ALKBH3: variants seen among roughly 807,000 people sequenced by gnomAD.
ALKBH3 encodes the protein alkB homolog 3, alpha-ketoglutarate dependent dioxygenase.
ALKBH3 carries 51 observed loss-of-function variants against 43.9 expected under a neutral mutation model. The ratio of observed to expected loss-of-function variants is 1.16; its 90% CI spans 0.93 to 1.47. The LOEUF is 1.47. Among genes scored for constraint, ALKBH3 ranks in the 40% most tolerant of loss-of-function variants. ALKBH3 has a pLI of 0.00. For synonymous variants in ALKBH3, 102 were observed against 115.2 expected (o/e 0.89, Z 0.73); for missense variants, 361 against 351.9 (o/e 1.03, Z -0.21).
chr11:43,890,895 C>T (rs1191114308), intron 6 of ALKBH3, among the ~76,000 whole-genome samples: 2 of 152,120 alleles, frequency 1.3e-5, no homozygotes, highest in Non-Finnish European at 2.9e-5. Context: ...ATAGTATGTG[C>T]ATATAACCTA....
chr11:43,897,482 G>A (rs1012585248), intron 7 of ALKBH3: 4 of 747,520 alleles, frequency 5.4e-6, no homozygotes, highest in South Asian at 1.4e-5. Flanking sequence ...AGTCACCAGT[G>A]AGGGTATACA....
chr11:43,903,209 G>A (rs1951874713), intron 8 of ALKBH3, among the ~76,000 whole-genome samples: 1 of 152,160 alleles, frequency 6.6e-6, no homozygotes, highest in African/African-American at 2.4e-5. Context: ...TAAGCCTTCA[G>A]TTACATTGGC....
At chr11:43,905,427 GGTTTTTT>G (rs1212056529) in intron 8 of ALKBH3, among the ~76,000 whole-genome samples, 4 of 151,210 alleles carry the variant, frequency 2.6e-5, no homozygotes, top group South Asian at 2.1e-4. Flanking sequence ...CCAAGGTGCC[GGTTTTTT>G]GTTTTTTGTT....
chr11:43,918,942 G>A, intron 8 of ALKBH3, 96 bp from the exon 9 acceptor site: 1 of 932,060 alleles, frequency 1.1e-6, no homozygotes, highest in Non-Finnish European at 1.7e-6. Flanking sequence ...CAGTCTGGCT[G>A]AGCAGAGGTT....
rs148629654 is a variant in ALKBH3, at chr11:43,891,912, T to C, written c.371-129T>C. ...CATATCTTCTGTGAAGGTGGAACTT[T>C]GGGTCACAGCCCATTCTTACTTTTC... On this transcript the variant is annotated intron_variant, in intron 6 of 9. Coordinates refer to ENST00000302708, the MANE Select transcript of ALKBH3 (RefSeq NM_139178.4). The C allele has an allele frequency of 3.0e-4, 200 of 676,974 alleles. No individual in the cohort carries two copies. In the African/African-American group the frequency reaches 3.2e-3, roughly 11 times the overall value. 41.9% of individuals were successfully genotyped at this position (676,974 alleles called of 1,614,324 possible).
intron 4 of ALKBH3, among the ~76,000 whole-genome samples, chr11:43,885,220 C>G (rs1951738970): frequency 6.6e-6 from 1 of 152,198 alleles, no homozygotes; most frequent in African/African-American, 2.4e-5. Context: ...GTCCTAGAAT[C>G]TGTTAATTCT....
At chr11:43,892,595 G>A (rs533070960) in intron 7 of ALKBH3, among the ~76,000 whole-genome samples, 1 of 152,266 alleles carries the variant, frequency 6.6e-6, no homozygotes, top group African/African-American at 2.4e-5. Flanking sequence ...GTCTGATTTT[G>A]CTTTGGCTTG....
chr11:43,896,299 ACG>A, intron 7 of ALKBH3, among the ~76,000 whole-genome samples: 1 of 151,248 alleles, frequency 6.6e-6, no homozygotes, highest in South Asian at 2.1e-4. Context: ...ACACACACAC[ACG>A]TATATATATA....
At chr11:43,912,402 C>T (rs1002172177) in intron 8 of ALKBH3, 18 of 152,146 alleles carry the variant, frequency 1.2e-4, no homozygotes, top group African/African-American at 4.3e-4. Flanking sequence ...CTTAAAAGGG[C>T]CCCCTATAGC....
At chr11:43,885,809 C>T (rs1330979159) in intron 4 of ALKBH3, among the ~76,000 whole-genome samples, 1 of 152,106 alleles carries the variant, frequency 6.6e-6, no homozygotes, top group Non-Finnish European at 1.5e-5. Flanking sequence ...TCTTGTACAT[C>T]ATGAAAAAAT....
intron 7 of ALKBH3, chr11:43,899,517 C>G (rs570040185): frequency 2.9e-6 from 2 of 692,354 alleles, no homozygotes; most frequent in Admixed American, 1.9e-5. Context: ...AGTGCACCAC[C>G]ACCTTCTCCA....
intron 2 of ALKBH3, 35 bp downstream of exon 2, chr11:43,882,766 T>C (rs753595895): frequency 1.3e-6 from 2 of 1,571,176 alleles, no homozygotes; most frequent in Non-Finnish European, 1.7e-6. Context: ...TGTGTGTGGA[T>C]ATGGACAACT....
intron 7 of ALKBH3, chr11:43,897,064 C>A (rs1255575131): frequency 2.7e-6 from 1 of 365,646 alleles, no homozygotes; most frequent in Non-Finnish European, 5.4e-6. Flanking sequence ...GCCTCAGCCT[C>A]CTAAGTAGCT....
chr11:43,887,809 GAC>G (rs1951756499), intron 5 of ALKBH3, among the ~76,000 whole-genome samples: 1 of 151,192 alleles, frequency 6.6e-6, no homozygotes, highest in South Asian at 2.1e-4. Context: ...TGTGTTTTGA[GAC>G]AGAGTCTCAC....
chr11:43,882,633 C>T lies in ALKBH3; in HGVS notation c.-20C>T, dbSNP rs201182770. The stretch of plus-strand genomic sequence containing the variant: ...AACAAAATCTTCTGAAAGCTCGGAG[C>T]AGAAGCCTTTTTGGTCAACATGGAG... On this transcript the variant is annotated 5_prime_UTR_variant, in exon 2 of 10. Coordinates refer to ENST00000302708, the MANE Select transcript of ALKBH3 (RefSeq NM_139178.4). The T allele has an allele frequency of 7.5e-6, 12 of 1,607,826 alleles. No homozygotes were observed. The East Asian group carries it at 2.2e-4, about 30-fold the overall frequency.
At chr11:43,882,541 A>G (rs944592955) in intron 1 of ALKBH3, 42 bp from the exon 2 acceptor site, 4 of 937,434 alleles carry the variant, frequency 4.3e-6, no homozygotes, top group South Asian at 3.7e-5. Context: ...ATTGTTCACA[A>G]TCCTAACTAA....
At chr11:43,895,998 G>A (rs1210091363) in intron 7 of ALKBH3, among the ~76,000 whole-genome samples, 2 of 152,172 alleles carry the variant, frequency 1.3e-5, no homozygotes, top group South Asian at 2.1e-4. Context: ...AAGTGTGATT[G>A]TTTGAGCTGT....
intron 8 of ALKBH3, among the ~76,000 whole-genome samples, chr11:43,905,890 A>T (rs1166477931): frequency 6.6e-6 from 1 of 152,224 alleles, no homozygotes; most frequent in Admixed American, 6.5e-5. Context: ...GAACTACAAA[A>T]GCCATTTGGC....
chr11:43,904,881 A>G (rs949404284), intron 8 of ALKBH3, among the ~76,000 whole-genome samples: 7 of 152,162 alleles, frequency 4.6e-5, no homozygotes, highest in South Asian at 2.1e-4. Context: ...GACTTCCTGT[A>G]ACTCTTAGAG....
Sources: gnomAD v4.1 joint callset for allele counts (sites outside exome capture counted in the v4.1 genomes callset) on GRCh38, gnomAD v4.1.1 for gene constraint, MANE v1.5 for transcripts, NCBI Gene and HGNC (gene_info 2026-07-23, HGNC 2026-07-21) for gene names.